CHST9: variants seen among roughly 807,000 people sequenced by gnomAD.
The protein encoded by CHST9 is carbohydrate sulfotransferase 9.
Under a neutral mutation model 44.4 loss-of-function variants are expected in CHST9, and 41 were observed. The observed-to-expected ratio is 0.92, with a 90% CI of 0.72 to 1.20. The LOEUF (loss-of-function observed/expected upper bound fraction) is 1.20, where lower values mean the gene tolerates loss of function less well. Among genes scored for constraint, CHST9 ranks in the 50% most tolerant of loss-of-function variants. The pLI, the probability that CHST9 is intolerant of heterozygous loss-of-function variation, is 0.00. For synonymous variants in CHST9, 171 were observed against 178.4 expected (o/e 0.96, Z 0.33); for missense variants, 504 against 516.5 (o/e 0.98, Z 0.23).
chr18:27,087,187 A>G (rs2058021299), intron 2 of CHST9, among the ~76,000 whole-genome samples: 1 of 152,218 alleles, frequency 6.6e-6, no homozygotes, highest in African/African-American at 2.4e-5. Context: ...ATTGGACTCT[A>G]TTCTCTTTCC....
chr18:27,004,965 A>G (rs2056998402), intron 4 of CHST9, among the ~76,000 whole-genome samples: 1 of 152,168 alleles, frequency 6.6e-6, no homozygotes. Flanking sequence ...GAAGACTCAG[A>G]TTCCTGACAT....
In CHST9 at chr18:26,910,912, T is replaced by C. The variant is rs1442489754; in HGVS notation, c.*5347A>G. 6.6e-6 allele frequency: 1 copy of C among 152,202 alleles called. No individual in the cohort carries two copies. The highest frequency in any genetic ancestry group is 2.4e-5 in the African/African-American group (1 of 41,452). The allele number at this position is 152,202 out of a possible 1,614,324, so 9.4% of individuals were successfully genotyped here. A position where few individuals can be genotyped will look rare whatever the true frequency, so the allele number is the denominator to read the frequency against. ...TGCTACTGAGTAGATCCTCAGTAAA[T>C]GGCTCTTATGTTGACCAGAATCATG... On this transcript the variant is annotated 3_prime_UTR_variant, in exon 6 of 6. Transcript: ENST00000618847.
chr18:27,004,276 G>A lies in CHST9; in HGVS notation c.202+19840C>T, dbSNP rs191912236. Among the ~76,000 whole-genome samples, 56 of 151,038 alleles carry A rather than the reference G, an allele frequency of 3.7e-4. No individual in the cohort carries two copies. The East Asian group carries it at 6.8e-3, about 18-fold the overall frequency. On this transcript the variant is annotated intron_variant, in intron 4 of 5. Transcript: ENST00000618847. ...GGAGGGAAAAGGCCAGAGAGAAAGAGGCCACAAGAAAGCAATGAAAAGAAT... is the reference window on the plus strand; with the variant it reads ...GGAGGGAAAAGGCCAGAGAGAAAGAAGCCACAAGAAAGCAATGAAAAGAAT...
chr18:26,953,181 G>A (rs1212964371), intron 4 of CHST9, among the ~76,000 whole-genome samples: 1 of 152,172 alleles, frequency 6.6e-6, no homozygotes, highest in Non-Finnish European at 1.5e-5. Flanking sequence ...GAGATATGGT[G>A]AGTTTAAGAA....
intron 5 of CHST9, among the ~76,000 whole-genome samples, chr18:26,921,558 C>T (rs2055654670): frequency 6.6e-6 from 1 of 152,150 alleles, no homozygotes; most frequent in Admixed American, 6.5e-5. Flanking sequence ...CTCCCAGCCC[C>T]CATCTAACTC....
chr18:27,122,657 G>A (rs11083195), intron 2 of CHST9, among the ~76,000 whole-genome samples: 47,857 of 151,982 alleles, frequency 0.31, 8,178 homozygotes, highest in Non-Finnish European at 0.39. Flanking sequence ...AAAATGAAGA[G>A]GTGGAGCTGA....
intron 2 of CHST9, among the ~76,000 whole-genome samples, chr18:27,113,022 T>C (rs1183298446): frequency 2.6e-5 from 4 of 152,028 alleles, no homozygotes; most frequent in Non-Finnish European, 5.9e-5. Context: ...ACCCCGCCTC[T>C]ACTAAAAATA....
chr18:27,027,293 T>A (rs192848494), intron 3 of CHST9, among the ~76,000 whole-genome samples: 11 of 152,312 alleles, frequency 7.2e-5, no homozygotes, highest in African/African-American at 2.2e-4. Context: ...TGAAATAGGG[T>A]TACATTTGGA....
intron 4 of CHST9, among the ~76,000 whole-genome samples, chr18:26,960,492 C>T (rs2056385571): frequency 6.6e-6 from 1 of 152,140 alleles, no homozygotes; most frequent in African/African-American, 2.4e-5. Flanking sequence ...CAAGTTTTAG[C>T]AGAAGAAAAT....
intron 2 of CHST9, among the ~76,000 whole-genome samples, chr18:27,104,060 A>G (rs2058198613): frequency 6.6e-6 from 1 of 152,214 alleles, no homozygotes; most frequent in Non-Finnish European, 1.5e-5. Context: ...ATCTTCTATC[A>G]TACTTTTAAA....
chr18:26,966,973 T>G (rs1465124223), intron 4 of CHST9, among the ~76,000 whole-genome samples: 1 of 151,822 alleles, frequency 6.6e-6, no homozygotes, highest in Non-Finnish European at 1.5e-5. Context: ...ATATCTCGGG[T>G]TGGCCTGGGG....
chr18:27,145,977 A>G (rs2058608864), intron 1 of CHST9, among the ~76,000 whole-genome samples: 1 of 152,212 alleles, frequency 6.6e-6, no homozygotes, highest in Admixed American at 6.5e-5. Context: ...TCTAGTACTA[A>G]CAAAGAAATA....
intron 2 of CHST9, among the ~76,000 whole-genome samples, chr18:27,111,119 G>A (rs907150007): frequency 6.6e-6 from 1 of 152,168 alleles, no homozygotes; most frequent in East Asian, 1.9e-4. Context: ...GATGCTGCGG[G>A]GCTGATGACC....
chr18:27,016,268 C>T (rs2057153380), intron 4 of CHST9, among the ~76,000 whole-genome samples: 1 of 152,218 alleles, frequency 6.6e-6, no homozygotes, highest in South Asian at 2.1e-4. Flanking sequence ...TCACCACCGC[C>T]TCTTTCCTAC....
chr18:27,153,528 C>T (rs918779881), intron 1 of CHST9, among the ~76,000 whole-genome samples: 1 of 115,722 alleles, frequency 8.6e-6, no homozygotes, highest in Non-Finnish European at 1.8e-5. Context: ...CTCTGTCTTT[C>T]TCTCTCTCTC....
intron 4 of CHST9, among the ~76,000 whole-genome samples, chr18:26,971,218 C>G (rs1425601442): frequency 6.7e-6 from 1 of 149,586 alleles, no homozygotes; most frequent in African/African-American, 2.5e-5. Flanking sequence ...ATAGTAGGTA[C>G]TTAATGTTGA....
Position 26,907,854 on chromosome 18 carries a change from T to C in CHST9, c.*8405A>G. The C allele has an allele frequency of 5.6e-6, 1 of 179,880 alleles. No individual in the cohort carries two copies. The highest frequency in any genetic ancestry group is 1.1e-5 in the Non-Finnish European group (1 of 87,916). The allele number at this position is 179,880 out of a possible 1,614,324, so 11.1% of individuals were successfully genotyped here. On this transcript the variant is annotated 3_prime_UTR_variant, in exon 6 of 6. Transcript: ENST00000618847. Reference sequence around the variant, plus strand: ...AAAGAAAAAAATTCTGGTACGTCCTTCAATATGGATGAACCTTGAGGACAT... The same window carrying C: ...AAAGAAAAAAATTCTGGTACGTCCTCCAATATGGATGAACCTTGAGGACAT...
In CHST9 at chr18:27,089,653, G is replaced by A. The variant is rs77853000; in HGVS notation, c.122-41150C>T. Among the ~76,000 whole-genome samples the A allele has an allele frequency of 8.5e-4, 129 of 152,266 alleles. 1 individual carries two copies. The East Asian group carries it at 0.024, about 29-fold the overall frequency. On this transcript the variant is annotated intron_variant, in intron 2 of 5. Transcript: ENST00000618847. ...TTATAATCCTTTGGGTATATACCCA[G>A]TAATGGGATTGCTGAGTCAAATGGT...
At chr18:27,068,789 C>T (rs774258566) in intron 2 of CHST9, among the ~76,000 whole-genome samples, 2 of 152,160 alleles carry the variant, frequency 1.3e-5, no homozygotes, top group Non-Finnish European at 2.9e-5. Flanking sequence ...TTCTTCCAGG[C>T]CCCTTTCACA....
Sources: gnomAD v4.1 joint callset for allele counts (sites outside exome capture counted in the v4.1 genomes callset) on GRCh38, gnomAD v4.1.1 for gene constraint, MANE v1.5 for transcripts, NCBI Gene and HGNC (gene_info 2026-07-23, HGNC 2026-07-21) for gene names.